Variants in DGKK observed in about 807,000 individuals in gnomAD.
DGKK encodes diacylglycerol kinase kappa.
In DGKK, 35 loss-of-function variants were observed where a neutral mutation model predicts 92.2. The observed-to-expected ratio is 0.38, with a 90% CI of 0.29 to 0.50. The LOEUF (loss-of-function observed/expected upper bound fraction) is 0.50, where lower values mean the gene tolerates loss of function less well. Ranked by LOEUF, DGKK falls within the 20% of genes least tolerant of loss-of-function variation. The pLI is 0.92. For missense variants in DGKK, 910 were observed against 992.2 expected (o/e 0.92, Z 1.11); for synonymous variants, 368 against 360.6 (o/e 1.02, Z -0.23).
At chrX:50,442,481 T>C (rs1056083163) in intron 1 of DGKK, among the ~76,000 whole-genome samples, 2 of 110,581 alleles carry the variant, frequency 1.8e-5, no homozygotes, top group Non-Finnish European at 3.8e-5. Context: ...ACAACACTAT[T>C]TCAGGACACG....
intron 14 of DGKK, among the ~76,000 whole-genome samples, chrX:50,386,806 A>G (rs1924556248): frequency 8.9e-6 from 1 of 112,129 alleles, no homozygotes; most frequent in Non-Finnish European, 1.9e-5. Flanking sequence ...GATCAAACAC[A>G]TATCATTTGT....
intron 8 of DGKK, among the ~76,000 whole-genome samples, chrX:50,396,191 G>A (rs1924847462): frequency 8.9e-6 from 1 of 111,854 alleles, no homozygotes; most frequent in Non-Finnish European, 1.9e-5. Context: ...ATACTGTGAA[G>A]GAGAAAAAGA....
intron 1 of DGKK, among the ~76,000 whole-genome samples, chrX:50,442,951 A>G: frequency 9.0e-6 from 1 of 111,437 alleles, no homozygotes; most frequent in Non-Finnish European, 1.9e-5. Flanking sequence ...TCCTTGCTAC[A>G]TGGGCTTCTC....
rs189601313 is a variant in DGKK at position 50,467,809 on chromosome X, A to G, written c.645+2225T>C. 4.4e-3 allele frequency among the ~76,000 whole-genome samples: 496 copies of G among 112,800 alleles called. 5 individuals are homozygous for G. The highest frequency in any genetic ancestry group is 0.031 in the South Asian group (83 of 2,708). ...CCCAGCTGCACCAGAGAGCAATTGC[A>G]TAGCAACATTGAGGGTGTTGTAAAA... On this transcript the variant is annotated intron_variant, in intron 1 of 27. Transcript: ENST00000611977.
intron 1 of DGKK, among the ~76,000 whole-genome samples, chrX:50,446,921 G>A (rs1249983167): frequency 9.1e-6 from 1 of 110,420 alleles, no homozygotes; most frequent in Non-Finnish European, 1.9e-5. Flanking sequence ...ATGTGTGCAT[G>A]TGCATGTACG....
At chrX:50,369,815 C>T (rs1172878975) in intron 27 of DGKK, among the ~76,000 whole-genome samples, 1 of 111,605 alleles carries the variant, frequency 9.0e-6, no homozygotes, top group African/African-American at 3.3e-5. Context: ...CTGCCTGCCT[C>T]GGCCTTCCAA....
At chrX:50,447,171 T>A (rs1032091866) in intron 1 of DGKK, among the ~76,000 whole-genome samples, 6 of 94,469 alleles carry the variant, frequency 6.4e-5, no homozygotes, top group African/African-American at 8.0e-5. Context: ...TAGGGAAGCA[T>A]GACTATTGTG....
In DGKK at chrX:50,387,739, C is replaced by T. The variant is rs1557225122; in HGVS notation, c.2019-86G>A. ...TCTTATGTCATCAGTCCCCATCCTC[C>T]TCCTCTCTCTCTTTCCTGATCTGTC... On this transcript the variant is annotated intron_variant, in intron 13 of 27. Coordinates refer to ENST00000611977, the MANE Select transcript of DGKK (RefSeq NM_001013742.4). 5.1e-6 allele frequency: 3 copies of T among 582,809 alleles called. No individual in the cohort carries two copies. The African/African-American group carries it at 6.9e-5, about 13-fold the overall frequency. 48.0% of individuals were successfully genotyped at this position (582,809 alleles called of 1,213,427 possible). A position where few individuals can be genotyped will look rare whatever the true frequency, so the allele number is the denominator to read the frequency against.
At chrX:50,420,328 C>T (rs1925548350) in intron 4 of DGKK, 75 bp downstream of exon 4, 1 of 943,899 alleles carries the variant, frequency 1.1e-6, no homozygotes. Flanking sequence ...TTTCCCTGCT[C>T]TAAAGGTGGC....
rs1927054852 is a variant in DGKK at position 50,470,663 on chromosome X, C to T, written c.16G>A (p.Ala6Thr). MDRGA[A>T]AAQGTAPPQD... ...GGCGGGGCAGTGCCCTGGGCTGCGG[C>T]AGCTCCGCGGTCCATGGCCGCACAC... The change falls in exon 1 of 28, where the codon GCC becomes ACC. Residue 6 changes from alanine to threonine, a missense_variant. By Grantham distance (58) the Ala-to-Thr change is moderately conservative. Coordinates refer to ENST00000611977, the MANE Select transcript of DGKK (RefSeq NM_001013742.4). 9.0e-7 allele frequency: 1 copy of T among 1,114,474 alleles called. No individual in the cohort carries two copies. The highest frequency in any genetic ancestry group is 3.2e-5 in the Admixed American group (1 of 31,576). The allele number at this position is 1,114,474 out of a possible 1,213,427, so 91.8% of individuals were successfully genotyped here. A position where few individuals can be genotyped will look rare whatever the true frequency, so the allele number is the denominator to read the frequency against.
chrX:50,469,624 G>C (rs1169201702), intron 1 of DGKK, among the ~76,000 whole-genome samples: 2 of 112,744 alleles, frequency 1.8e-5, no homozygotes, highest in Non-Finnish European at 3.8e-5. Flanking sequence ...GCGGCTAAGA[G>C]GTGTGTCCCA....
In DGKK at chrX:50,370,561, C is replaced by T. The variant is rs782073603; in HGVS notation, c.3613-12G>A. The T allele has an allele frequency of 5.9e-6, 7 of 1,189,941 alleles. No homozygotes were observed. The highest frequency in any genetic ancestry group is 5.3e-5 in the African/African-American group (3 of 56,730). ...TCCGAAGATTTTTCCTGAGAAACCA[C>T]AAGAGGAAGGTCAAAATGTTAGTTG... is the stretch of plus-strand genomic sequence containing the variant. On this transcript the variant is annotated splice_polypyrimidine_tract_variant and intron_variant, in intron 26 of 27. Transcript: ENST00000611977.
chrX:50,436,745 T>C (rs1400181919), intron 1 of DGKK, among the ~76,000 whole-genome samples: 2 of 109,602 alleles, frequency 1.8e-5, no homozygotes, highest in Non-Finnish European at 3.8e-5. Context: ...TTTCAGGTAA[T>C]AATACCGTGA....
At chrX:50,381,297 G>A (rs782329633) in intron 18 of DGKK, among the ~76,000 whole-genome samples, 63 of 110,745 alleles carry the variant, frequency 5.7e-4, no homozygotes, top group South Asian at 4.7e-3. Context: ...GTGAAACTCC[G>A]TCTCTACTAA....
At chrX:50,370,937 A>C (rs1924107165) in intron 26 of DGKK, among the ~76,000 whole-genome samples, 1 of 112,476 alleles carries the variant, frequency 8.9e-6, no homozygotes, top group Non-Finnish European at 1.9e-5. Flanking sequence ...GCTCACATGG[A>C]ATCTCTGCAT....
intron 26 of DGKK, 53 bp downstream of exon 26, chrX:50,371,671 A>G (rs1039525765): frequency 1.1e-6 from 1 of 912,862 alleles, no homozygotes; most frequent in Non-Finnish European, 1.6e-6. Context: ...AAGGGAAGGC[A>G]CTAAGGAAGA....
Position 50,404,203 on chromosome X carries a change from A to G in DGKK, c.943-19T>C. ...CAGGTATCTAAAATAAATAAACGAG[A>G]AGAGAGAATGGAGGATGAATCACAG... On this transcript the variant is annotated intron_variant, in intron 4 of 27. Transcript: ENST00000611977. 2 of 1,192,207 alleles carry G rather than the reference A, an allele frequency of 1.7e-6. No homozygotes were observed. The highest frequency in any genetic ancestry group is 2.3e-5 in the Admixed American group (1 of 43,521).
intron 1 of DGKK, among the ~76,000 whole-genome samples, chrX:50,446,924 C>T (rs1206823761): frequency 9.1e-6 from 1 of 109,814 alleles, no homozygotes; most frequent in Non-Finnish European, 1.9e-5. Context: ...TGTGCATGTG[C>T]ATGTACGCTG....
chrX:50,454,240 A>T (rs1308284882), intron 1 of DGKK, among the ~76,000 whole-genome samples: 2 of 111,135 alleles, frequency 1.8e-5, no homozygotes, highest in African/African-American at 6.5e-5. Flanking sequence ...TTTCTATTTG[A>T]GATTACAGTT....
Sources: allele counts gnomAD v4.1 joint callset (sites outside exome capture counted in the v4.1 genomes callset), GRCh38; gene constraint gnomAD v4.1.1; transcripts MANE v1.5; gene names NCBI Gene and HGNC (gene_info 2026-07-23, HGNC 2026-07-21).